KCNIP2: variants seen among roughly 807,000 people sequenced by gnomAD.
KCNIP2 encodes potassium voltage-gated channel interacting protein 2, also known as A-type potassium channel modulatory protein KCNIP2.
Under a neutral mutation model 39.0 loss-of-function variants are expected in KCNIP2, and 19 were observed. That is an observed-to-expected ratio of 0.49 (90% CI 0.34 to 0.71). KCNIP2 has a LOEUF of 0.71. KCNIP2 is among the 30% of genes least tolerant of loss of function. The pLI, the probability that KCNIP2 is intolerant of heterozygous loss-of-function variation, is 0.01. For missense variants in KCNIP2, 261 were observed against 346.0 expected (o/e 0.75, Z 1.95); for synonymous variants, 111 against 131.2 (o/e 0.85, Z 1.05).
At chr10:101,840,057 C>CGGGGGGGGGGGGGGG (rs71016350) in intron 1 of KCNIP2, among the ~76,000 whole-genome samples, 2 of 90,430 alleles carry the variant, frequency 2.2e-5, no homozygotes, top group African/African-American at 4.8e-5. Context: ...AGTTCCTGGA[C>CGGGGGGGGGGGGGGG]GGGGGGGGGG....
Position 101,828,656 on chromosome 10 carries a change from T to G in KCNIP2, c.389A>C (p.Gln130Pro). The G allele has an allele frequency of 6.2e-7, 1 of 1,614,192 alleles. No homozygotes were observed. The highest frequency in any genetic ancestry group is 8.5e-7 in the Non-Finnish European group (1 of 1,180,030). ...TTGAGGAAAGAACTGGGAGTAAATC[T>G]GCTTGAAGTTCTCCTCATTGACAAT... The part of the protein sequence containing the change: ...SGIVNEENFK[Q>P]IYSQFFPQGD... Residue 130 changes from glutamine to proline, a missense_variant, in exon 5 of 10, where the codon CAG becomes CCG. Gln to Pro is a moderately conservative substitution (Grantham distance 76). Transcript: ENST00000356640. This position sits in a 1 kb window ranked among gnomAD's most constrained non-coding sequence, Gnocchi z 6.6.
rs2066402374 is a variant in KCNIP2, at chr10:101,843,737, T to A, written c.-169A>T. 2 of 413,762 alleles carry A rather than the reference T, an allele frequency of 4.8e-6. No individual in the cohort carries two copies. The highest frequency in any genetic ancestry group is 6.1e-5 in the South Asian group (1 of 16,362). 25.6% of individuals were successfully genotyped at this position (413,762 alleles called of 1,614,324 possible). A position where few individuals can be genotyped will look rare whatever the true frequency, so the allele number is the denominator to read the frequency against. ...CCGGGGTCTGAGGTCTACCCGGAGG[T>A]CCTGGAGCAGGAGAGGGAACACTAG... On this transcript the variant is annotated 5_prime_UTR_variant, in exon 1 of 10. Coordinates refer to ENST00000356640, the MANE Select transcript of KCNIP2 (RefSeq NM_173191.3). The surrounding 1 kb of genome is among the most constrained non-coding windows in gnomAD (Gnocchi z 6.7).
intron 1 of KCNIP2, among the ~76,000 whole-genome samples, chr10:101,841,590 C>T (rs2066341243): frequency 6.6e-6 from 1 of 152,186 alleles, no homozygotes; most frequent in Non-Finnish European, 1.5e-5. Context: ...AACATTTGAC[C>T]TTTCCATTTT....
chr10:101,839,459 A>C (rs1156405166), intron 1 of KCNIP2, among the ~76,000 whole-genome samples: 1 of 151,818 alleles, frequency 6.6e-6, no homozygotes, highest in Non-Finnish European at 1.5e-5. Context: ...CCCCTCAGTT[A>C]AGGCCCCCTC....
rs1370822685 is a variant in KCNIP2 at position 101,828,113 on chromosome 10, C to T, written c.597+38G>A. 1 of 1,590,236 alleles carries T rather than the reference C, an allele frequency of 6.3e-7. No homozygotes were observed. Among genetic ancestry groups the T allele is most frequent in the Admixed American group, 1.7e-5 (1 of 59,978 alleles). On this transcript the variant is annotated intron_variant, in intron 7 of 9. Transcript: ENST00000356640. This position sits in a 1 kb window ranked among gnomAD's most constrained non-coding sequence, Gnocchi z 6.6. ...ATCACCCTCTGCACGCCACCCCCAT[C>T]ACCGCCACAGACCCCCAGCCCTTCA...
intron 1 of KCNIP2, among the ~76,000 whole-genome samples, chr10:101,833,991 C>G (rs2066071784): frequency 6.6e-6 from 1 of 152,014 alleles, no homozygotes; most frequent in Admixed American, 6.5e-5. Flanking sequence ...CTCATCTCCA[C>G]ACCCCAGTCC....
At chr10:101,842,982 C>T (rs1205663598) in intron 1 of KCNIP2, among the ~76,000 whole-genome samples, 1 of 152,212 alleles carries the variant, frequency 6.6e-6, no homozygotes, top group African/African-American at 2.4e-5. Context: ...AGTTACACAC[C>T]ACTTCATACA....
chr10:101,836,241 G>A (rs1164856797), intron 1 of KCNIP2, among the ~76,000 whole-genome samples: 2 of 151,880 alleles, frequency 1.3e-5, no homozygotes, highest in East Asian at 3.9e-4. Flanking sequence ...GGAAGAGGTG[G>A]GAAGATGACG....
intron 1 of KCNIP2, among the ~76,000 whole-genome samples, chr10:101,841,258 C>T (rs1480853651): frequency 3.9e-5 from 6 of 152,222 alleles, no homozygotes; most frequent in African/African-American, 1.4e-4. Context: ...ACGGGAGCTG[C>T]AGACTACCCT....
rs1445685025 is a variant in KCNIP2, at chr10:101,827,109, G to A, written c.*244C>T. 2.2e-6 allele frequency: 2 copies of A among 893,174 alleles called. No individual in the cohort carries two copies. Among genetic ancestry groups the A allele is most frequent in the Non-Finnish European group, 3.0e-6 (2 of 669,586 alleles). 55.3% of individuals were successfully genotyped at this position (893,174 alleles called of 1,614,324 possible). A position where few individuals can be genotyped will look rare whatever the true frequency, so the allele number is the denominator to read the frequency against. On this transcript the variant is annotated 3_prime_UTR_variant, in exon 10 of 10. Coordinates refer to ENST00000356640, the MANE Select transcript of KCNIP2 (RefSeq NM_173191.3). ...ACAGGAGGGGCACTCTCAACACTGG[G>A]TGTCAGGCAGGAAGGGGGTGAGAGC... is the stretch of plus-strand genomic sequence containing the variant.
chr10:101,842,300 T>A (rs1379449691), intron 1 of KCNIP2, among the ~76,000 whole-genome samples: 5 of 152,214 alleles, frequency 3.3e-5, no homozygotes. Flanking sequence ...TGGCTCTTCC[T>A]ACCAAACCCA....
In KCNIP2 at chr10:101,843,133, TAGCTGTCACCA is replaced by T. The variant is rs1222904859; in HGVS notation, c.73+352_73+362del. Among the ~76,000 whole-genome samples, 3 of 152,182 alleles carry T rather than the reference TAGCTGTCACCA, an allele frequency of 2.0e-5. No homozygotes were observed. Among genetic ancestry groups the T allele is most frequent in the Non-Finnish European group, 4.4e-5 (3 of 68,036 alleles). Reference sequence around the variant, plus strand: ...CTGCCACATACAATCACACTCACCCTAGCTGTCACCAAGCCCAGGGCACATGGCAACCAGCT... The same window carrying T: ...CTGCCACATACAATCACACTCACCCTAGCCCAGGGCACATGGCAACCAGCT... On this transcript the variant is annotated intron_variant, in intron 1 of 9. Coordinates refer to ENST00000356640, the MANE Select transcript of KCNIP2 (RefSeq NM_173191.3). This position sits in a 1 kb window ranked among gnomAD's most constrained non-coding sequence, Gnocchi z 6.7.
intron 1 of KCNIP2, among the ~76,000 whole-genome samples, chr10:101,833,841 G>A (rs1352331986): frequency 4.6e-5 from 7 of 152,130 alleles, no homozygotes; most frequent in Middle Eastern, 3.4e-3. Context: ...CACAGGCACC[G>A]TGGTGGGCCC....
At chr10:101,842,956 C>G (rs1192721598) in intron 1 of KCNIP2, among the ~76,000 whole-genome samples, 1 of 152,204 alleles carries the variant, frequency 6.6e-6, no homozygotes, top group Non-Finnish European at 1.5e-5. Flanking sequence ...AAAGTAGAGC[C>G]CTGACACATT....
chr10:101,841,532 C>G (rs528198737), intron 1 of KCNIP2, among the ~76,000 whole-genome samples: 7 of 152,358 alleles, frequency 4.6e-5, no homozygotes, highest in African/African-American at 1.7e-4. Flanking sequence ...GTGGAGCTAT[C>G]TACAGCTAGG....
At chr10:101,836,079 T>A (rs1040202573) in intron 1 of KCNIP2, among the ~76,000 whole-genome samples, 9 of 152,138 alleles carry the variant, frequency 5.9e-5, no homozygotes, top group African/African-American at 1.9e-4. Flanking sequence ...GGGATGACTG[T>A]GTCTCAGCCC....
At position 101,839,686 on chromosome 10, in the gene KCNIP2, G is replaced by A. The variant is rs561865568; in HGVS notation, c.73+3810C>T. 437 of 1,436,598 alleles carry A rather than the reference G, an allele frequency of 3.0e-4. 1 individual carries two copies. Among genetic ancestry groups the A allele is most frequent in the African/African-American group, 1.6e-4 (11 of 70,758 alleles). The allele number at this position is 1,436,598 out of a possible 1,614,324, so 89.0% of individuals were successfully genotyped here. A position where few individuals can be genotyped will look rare whatever the true frequency, so the allele number is the denominator to read the frequency against. ...GGGGCCCTTCCCTCCCTACCTCTGC[G>A]GAGCTCCTAACCCACTTCGCTCACT... On this transcript the variant is annotated intron_variant, in intron 1 of 9. Coordinates refer to ENST00000356640, the MANE Select transcript of KCNIP2 (RefSeq NM_173191.3).
At position 101,832,334 on chromosome 10, in the gene KCNIP2, G is replaced by A. The variant is rs1011506845; in HGVS notation, c.74-1167C>T. Among the ~76,000 whole-genome samples, 1,363 of 140,574 alleles carry A rather than the reference G, an allele frequency of 9.7e-3. 19 individuals are homozygous for A. Among genetic ancestry groups the A allele is most frequent in the African/African-American group, 0.034 (1,296 of 38,226 alleles). The allele number at this position is 140,574 out of a possible 152,430, so 92.2% of individuals were successfully genotyped here. ...TGTGTGTGTGTGTGTGTGTGTGTGTGTGTGTGTCTGTGTCTCCCAGCTGCA... is the reference window on the plus strand; with the variant it reads ...TGTGTGTGTGTGTGTGTGTGTGTGTATGTGTGTCTGTGTCTCCCAGCTGCA... On this transcript the variant is annotated intron_variant, in intron 1 of 9. Transcript: ENST00000356640.
At position 101,843,599 on chromosome 10, in the gene KCNIP2, G is replaced by A; in HGVS notation, c.-31C>T. On this transcript the variant is annotated 5_prime_UTR_variant, in exon 1 of 10. It adds an upstream start codon to the 5' untranslated region. Coordinates refer to ENST00000356640, the MANE Select transcript of KCNIP2 (RefSeq NM_173191.3). This position sits in a 1 kb window ranked among gnomAD's most constrained non-coding sequence, Gnocchi z 6.7. ...CCGGCGCCCCGCTCCCGCCCGGGCC[G>A]TGGGAGGGGGCGCCGGGTGGCCGGG... The A allele has an allele frequency of 2.9e-6, 4 of 1,365,628 alleles. No homozygotes were observed. Among genetic ancestry groups the A allele is most frequent in the Admixed American group, 3.2e-5 (1 of 30,804 alleles). The allele number at this position is 1,365,628 out of a possible 1,614,324, so 84.6% of individuals were successfully genotyped here.
Sources: allele counts gnomAD v4.1 joint callset (sites outside exome capture counted in the v4.1 genomes callset), GRCh38; gene constraint gnomAD v4.1.1; non-coding constraint Gnocchi (gnomAD v3.1); transcripts MANE v1.5; gene names NCBI Gene and HGNC (gene_info 2026-07-23, HGNC 2026-07-21).